Variants in SLC6A11 observed in about 807,000 individuals in gnomAD.
The protein encoded by SLC6A11 is solute carrier family 6 member 11, also known as sodium- and chloride-dependent GABA transporter 3.
In SLC6A11, 25 loss-of-function variants were observed where a neutral mutation model predicts 74.8. The observed-to-expected ratio is 0.33, with a 90% CI of 0.24 to 0.47. The LOEUF is 0.47. Among genes scored for constraint, SLC6A11 ranks in the 20% least tolerant of loss-of-function variants. SLC6A11 has a pLI of 1.00. For synonymous variants in SLC6A11, 330 were observed against 330.2 expected (o/e 1.00, Z 0.01); for missense variants, 574 against 837.0 (o/e 0.69, Z 3.88).
intron 6 of SLC6A11, among the ~76,000 whole-genome samples, chr3:10,893,768 T>C (rs1695137039): frequency 6.6e-6 from 1 of 152,128 alleles, no homozygotes; most frequent in Non-Finnish European, 1.5e-5. Context: ...ACTATGGGTG[T>C]TTCACTATGT....
chr3:10,899,945 T>A (rs539035151), intron 6 of SLC6A11, among the ~76,000 whole-genome samples: 8 of 152,324 alleles, frequency 5.3e-5, no homozygotes, highest in Middle Eastern at 6.8e-3. Flanking sequence ...GCTGGATGAT[T>A]CTCTCTTGCA....
intron 5 of SLC6A11, among the ~76,000 whole-genome samples, chr3:10,867,073 G>C (rs1177924222): frequency 1.3e-5 from 2 of 152,214 alleles, no homozygotes; most frequent in Admixed American, 1.3e-4. Flanking sequence ...ATGCTTTCTG[G>C]CCGTATGGGA....
intron 5 of SLC6A11, among the ~76,000 whole-genome samples, chr3:10,851,914 C>T (rs1372990891): frequency 2.6e-5 from 4 of 152,196 alleles, no homozygotes; most frequent in Non-Finnish European, 4.4e-5. Flanking sequence ...CCTCCCCTCC[C>T]CCACTGCCAC....
At chr3:10,873,627 AT>A (rs1694864939) in intron 5 of SLC6A11, among the ~76,000 whole-genome samples, 1 of 135,958 alleles carries the variant, frequency 7.4e-6, no homozygotes, top group African/African-American at 2.9e-5. Context: ...ATCCTATCCT[AT>A]CCTGTCCTGT....
intron 5 of SLC6A11, among the ~76,000 whole-genome samples, chr3:10,846,456 G>A (rs1265815096): frequency 6.6e-6 from 1 of 152,162 alleles, no homozygotes; most frequent in Non-Finnish European, 1.5e-5. Context: ...GTTTGTGTAT[G>A]GACATGCTTA....
At chr3:10,862,904 G>A (rs1694719681) in intron 5 of SLC6A11, among the ~76,000 whole-genome samples, 1 of 152,250 alleles carries the variant, frequency 6.6e-6, no homozygotes, top group Admixed American at 6.5e-5. Context: ...CATAGGGCCT[G>A]GCACACTGTA....
intron 4 of SLC6A11, among the ~76,000 whole-genome samples, chr3:10,827,583 C>T (rs1448920616): frequency 6.6e-6 from 1 of 152,166 alleles, no homozygotes; most frequent in African/African-American, 2.4e-5. Flanking sequence ...TCAGTCAGGG[C>T]CACATTGCTC....
chr3:10,932,471 C>G (rs192181948), intron 10 of SLC6A11, among the ~76,000 whole-genome samples: 1 of 152,278 alleles, frequency 6.6e-6, no homozygotes, highest in Admixed American at 6.5e-5. Flanking sequence ...AATTGTGAGC[C>G]CACAAAACAT....
At chr3:10,855,257 G>A (rs971468581) in intron 5 of SLC6A11, among the ~76,000 whole-genome samples, 24 of 152,324 alleles carry the variant, frequency 1.6e-4, no homozygotes, top group African/African-American at 5.8e-4. Flanking sequence ...TTACAGATGT[G>A]AAAAACTGAG....
At chr3:10,857,731 C>T (rs1694655453) in intron 5 of SLC6A11, among the ~76,000 whole-genome samples, 1 of 152,200 alleles carries the variant, frequency 6.6e-6, no homozygotes, top group African/African-American at 2.4e-5. Context: ...AGACCCTGCA[C>T]CCCTTGTTTG....
intron 5 of SLC6A11, among the ~76,000 whole-genome samples, chr3:10,853,646 C>T (rs1458712228): frequency 2.0e-5 from 3 of 152,234 alleles, no homozygotes; most frequent in Non-Finnish European, 4.4e-5. Context: ...AGAACTTCTT[C>T]GTCACTGGGG....
intron 9 of SLC6A11, among the ~76,000 whole-genome samples, chr3:10,927,169 C>G (rs573851590): frequency 2.6e-5 from 4 of 152,354 alleles, no homozygotes; most frequent in Admixed American, 6.5e-5. Flanking sequence ...GCTGCTAAGC[C>G]AAATCACCGG....
rs765071076 is a variant in SLC6A11 at position 10,874,948 on chromosome 3, C to G, written c.757-13C>G. Reference sequence around the variant, plus strand: ...ACCCCCTTCTTGATTCTGTCCTCTCCTCTTGTGCACAGGTTGTATACGTGA... The same window carrying G: ...ACCCCCTTCTTGATTCTGTCCTCTCGTCTTGTGCACAGGTTGTATACGTGA... On this transcript the variant is annotated splice_polypyrimidine_tract_variant and intron_variant, in intron 5 of 13. Transcript: ENST00000254488. 1 of 1,596,364 alleles carries G rather than the reference C, an allele frequency of 6.3e-7. No homozygotes were observed. Among genetic ancestry groups the G allele is most frequent in the South Asian group, 1.1e-5 (1 of 88,710 alleles).
chr3:10,916,198 C>T (rs1329165089), intron 7 of SLC6A11, among the ~76,000 whole-genome samples: 1 of 152,224 alleles, frequency 6.6e-6, no homozygotes. Flanking sequence ...ACTAACTCTG[C>T]CCTTGCCTGG....
At chr3:10,819,078 TA>T (rs1694101600) in intron 1 of SLC6A11, among the ~76,000 whole-genome samples, 1 of 152,174 alleles carries the variant, frequency 6.6e-6, no homozygotes, top group South Asian at 2.1e-4. Flanking sequence ...GAGGTCACTT[TA>T]AAATGAAAAA....
chr3:10,917,717 G>A (rs1695476344), intron 7 of SLC6A11, among the ~76,000 whole-genome samples: 1 of 152,220 alleles, frequency 6.6e-6, no homozygotes, highest in African/African-American at 2.4e-5. Context: ...GACAGTCACT[G>A]CTCTGATAAA....
intron 6 of SLC6A11, among the ~76,000 whole-genome samples, chr3:10,911,361 G>A (rs1179969697): frequency 6.6e-6 from 1 of 152,200 alleles, no homozygotes; most frequent in Non-Finnish European, 1.5e-5. Flanking sequence ...TGTTCGAGAA[G>A]CCACTGTCAT....
intron 8 of SLC6A11, among the ~76,000 whole-genome samples, chr3:10,921,641 C>T (rs1362225080): frequency 6.6e-6 from 1 of 151,990 alleles, no homozygotes; most frequent in African/African-American, 2.4e-5. Context: ...CAACCATATT[C>T]TTATATTAAA....
At chr3:10,864,404 C>T (rs947692245) in intron 5 of SLC6A11, among the ~76,000 whole-genome samples, 21 of 151,690 alleles carry the variant, frequency 1.4e-4, no homozygotes, top group Admixed American at 9.2e-4. Flanking sequence ...CCAGTAACTG[C>T]GCGTGAGCCC....
Sources: allele counts gnomAD v4.1 joint callset (sites outside exome capture counted in the v4.1 genomes callset), GRCh38; gene constraint gnomAD v4.1.1; transcripts MANE v1.5; gene names NCBI Gene and HGNC (gene_info 2026-07-23, HGNC 2026-07-21).